The following CHD8 variants were observed in gnomAD, a reference collection of about 807,000 sequenced individuals.
The protein encoded by CHD8 is ATP-dependent chromatin remodeler CHD8.
A neutral mutation model predicts 279.2 loss-of-function variants in CHD8; 31 were observed. The ratio of observed to expected loss-of-function variants is 0.11; its 90% CI spans 0.08 to 0.15. CHD8 has a LOEUF of 0.15. Ranked by LOEUF, CHD8 falls within the 10% of genes least tolerant of loss-of-function variation. CHD8 has a pLI of 1.00. For synonymous variants in CHD8, 1,081 were observed against 1,139.6 expected (o/e 0.95, Z 1.04); for missense variants, 2,146 against 3,230.5 (o/e 0.66, Z 8.14).
intron 5 of CHD8, among the ~76,000 whole-genome samples, chr14:21,422,298 G>A (rs2139517251): frequency 6.6e-6 from 1 of 152,152 alleles, no homozygotes; most frequent in Non-Finnish European, 1.5e-5. Context: ...CCGAGATTGT[G>A]CTACTGCACT....
rs372744417 is a variant in CHD8 at position 21,445,908 on chromosome 14, G to A, written c.-216+10124C>T. On this transcript the variant is annotated intron_variant, in intron 1 of 37. Coordinates refer to ENST00000646647, the MANE Select transcript of CHD8 (RefSeq NM_001170629.2). ...CCAGCTACTCGGGAGGCTGAGGCAGGAGAATCAGTTGAACCCAGGAGGTGA... is the reference window on the plus strand; with the variant it reads ...CCAGCTACTCGGGAGGCTGAGGCAGAAGAATCAGTTGAACCCAGGAGGTGA... Among the ~76,000 whole-genome samples, 4 of 151,534 alleles carry A rather than the reference G, an allele frequency of 2.6e-5. No individual in the cohort carries two copies. The East Asian group carries it at 5.8e-4, about 22-fold the overall frequency.
At position 21,400,826 on chromosome 14, in the gene CHD8, G is replaced by T; in HGVS notation, c.4370+49C>A. 6.7e-7 allele frequency: 1 copy of T among 1,501,300 alleles called. No individual in the cohort carries two copies. The allele number at this position is 1,501,300 out of a possible 1,614,324, so 93.0% of individuals were successfully genotyped here. A position where few individuals can be genotyped will look rare whatever the true frequency, so the allele number is the denominator to read the frequency against. On this transcript the variant is annotated intron_variant, in intron 22 of 37. Coordinates refer to ENST00000646647, the MANE Select transcript of CHD8 (RefSeq NM_001170629.2). This position sits in a 1 kb window ranked among gnomAD's most constrained non-coding sequence, Gnocchi z 4.2. ...AAAGGCAAACCAAGAGTATCTATCA[G>T]GATGGAGATGCACTATGCACTACCT...
At chr14:21,441,395 C>A (rs1318496872) in intron 1 of CHD8, among the ~76,000 whole-genome samples, 2 of 152,100 alleles carry the variant, frequency 1.3e-5, no homozygotes, top group Non-Finnish European at 2.9e-5. Context: ...AACCAAGAAT[C>A]CTAACACAAT....
intron 1 of CHD8, among the ~76,000 whole-genome samples, chr14:21,444,287 T>C (rs1243160922): frequency 6.6e-6 from 1 of 152,244 alleles, no homozygotes; most frequent in Non-Finnish European, 1.5e-5. Flanking sequence ...TTGTTTTTGC[T>C]AATATCTATA....
In CHD8 at chr14:21,393,950, T is replaced by C. The variant is rs1887658744; in HGVS notation, c.5845A>G (p.Ile1949Val). 6.2e-7 allele frequency: 1 copy of C among 1,613,950 alleles called. No individual in the cohort carries two copies. Among genetic ancestry groups the C allele is most frequent in the South Asian group, 1.1e-5 (1 of 91,080 alleles). Residue 1949 changes from isoleucine to valine, a missense_variant, in exon 32 of 38, where the codon ATC (isoleucine) becomes GTC (valine). Ile to Val is a conservative substitution (Grantham distance 29). This residue lies in a region of CHD8 where 513 missense variants were observed against 637.6 expected (regional missense o/e 0.80). Coordinates refer to ENST00000646647, the MANE Select transcript of CHD8 (RefSeq NM_001170629.2). Reference sequence around the variant, plus strand: ...AAAGAGAAGTCTGGGTCCTGCATGATGTTGCAGTCTGTTTGGCTCACCCCA... The same window carrying C: ...AAAGAGAAGTCTGGGTCCTGCATGACGTTGCAGTCTGTTTGGCTCACCCCA... ...RHGVSQTDCN[I>V]MQDPDFSFLA... is the part of the protein sequence containing the mutation.
In CHD8 at chr14:21,431,355, T is replaced by A. The variant is rs1594379991; in HGVS notation, c.289A>T (p.Thr97Ser). 6.5e-7 allele frequency: 1 copy of A among 1,537,640 alleles called. No individual in the cohort carries two copies. Residue 97 changes from threonine to serine, a missense_variant, in exon 2 of 38, where the codon ACT becomes TCT. Thr to Ser is a moderately conservative substitution (Grantham distance 58). Coordinates refer to ENST00000646647, the MANE Select transcript of CHD8 (RefSeq NM_001170629.2). ...PESITLHDYTTQPASQEQPAQ... is the reference protein window; with the variant it reads ...PESITLHDYTSQPASQEQPAQ... Reference sequence around the variant, plus strand: ...GGCTGCTCCTGGCTGGCAGGCTGAGTGGTATAATCATGCAAGGTTATGGAT... The same window carrying A: ...GGCTGCTCCTGGCTGGCAGGCTGAGAGGTATAATCATGCAAGGTTATGGAT...
chr14:21,409,614 G>C (rs1404617400), intron 11 of CHD8, among the ~76,000 whole-genome samples: 2 of 152,040 alleles, frequency 1.3e-5, no homozygotes, highest in East Asian at 3.8e-4. Flanking sequence ...AATGAATCTG[G>C]GATTTGATTT....
At chr14:21,449,079 C>A (rs930053827) in intron 1 of CHD8, among the ~76,000 whole-genome samples, 5 of 152,008 alleles carry the variant, frequency 3.3e-5, no homozygotes, top group Non-Finnish European at 7.4e-5. Context: ...GAGGCTGAGG[C>A]AGGAGAATGG....
chr14:21,399,881 A>G, intron 25 of CHD8, 100 bp downstream of exon 25: 1 of 1,113,368 alleles, frequency 9.0e-7, no homozygotes, highest in Non-Finnish European at 1.4e-6. Flanking sequence ...ATAGATTTAA[A>G]TTATCAGGTA....
At chr14:21,389,868 C>A (rs1887448060) in intron 37 of CHD8, among the ~76,000 whole-genome samples, 1 of 152,118 alleles carries the variant, frequency 6.6e-6, no homozygotes, top group African/African-American at 2.4e-5. Flanking sequence ...GATTCTCAAC[C>A]TTTATATATT....
At chr14:21,395,651 T>C (rs1001284470) in intron 28 of CHD8, 166 bp downstream of exon 28, 22 of 612,572 alleles carry the variant, frequency 3.6e-5, no homozygotes, top group Non-Finnish European at 5.5e-5. Context: ...CTCCCCCTAC[T>C]GGCATTACAG....
At chr14:21,441,694 C>T (rs1426634601) in intron 1 of CHD8, among the ~76,000 whole-genome samples, 4 of 152,116 alleles carry the variant, frequency 2.6e-5, no homozygotes, top group Admixed American at 2.6e-4. Flanking sequence ...GGAGACCATC[C>T]TGGCTAACAC....
chr14:21,437,373 G>A (rs911068462), intron 1 of CHD8: 34 of 596,562 alleles, frequency 5.7e-5, no homozygotes, highest in Non-Finnish European at 7.1e-5. Context: ...GGACTATAAG[G>A]AGCTCCCTTC....
Position 21,405,066 on chromosome 14 carries a change from G to A in CHD8, c.3307+143C>T. The stretch of plus-strand genomic sequence containing the variant: ...AGGCTTAGAGTCTCTTTTTTAAAAG[G>A]AGAACCATTTCCCTCCCATTCCTCA... On this transcript the variant is annotated intron_variant, in intron 16 of 37. Transcript: ENST00000646647. The surrounding 1 kb of genome is among the most constrained non-coding windows in gnomAD (Gnocchi z 4.2). 2 of 725,254 alleles carry A rather than the reference G, an allele frequency of 2.8e-6. No homozygotes were observed. The highest frequency in any genetic ancestry group is 3.9e-4 in the Middle Eastern group (1 of 2,538). The allele number at this position is 725,254 out of a possible 1,614,324, so 44.9% of individuals were successfully genotyped here.
chr14:21,441,678 G>C (rs2139562479), intron 1 of CHD8, among the ~76,000 whole-genome samples: 1 of 152,108 alleles, frequency 6.6e-6, no homozygotes, highest in Admixed American at 6.5e-5. Context: ...CACGAGGTCA[G>C]GAGATGGAGA....
Position 21,405,013 on chromosome 14 carries a change from G to T in CHD8, c.3307+196C>A. 1.7e-6 allele frequency: 1 copy of T among 578,286 alleles called. No individual in the cohort carries two copies. The highest frequency in any genetic ancestry group is 3.0e-6 in the Non-Finnish European group (1 of 332,016). The allele number at this position is 578,286 out of a possible 1,614,324, so 35.8% of individuals were successfully genotyped here. Reference sequence around the variant, plus strand: ...CACCTGGCTAATTTTTGTATTTTTTGTAGAGGTGGGATTTCATCATGTTGC... The same window carrying T: ...CACCTGGCTAATTTTTGTATTTTTTTTAGAGGTGGGATTTCATCATGTTGC... On this transcript the variant is annotated intron_variant, in intron 16 of 37. Coordinates refer to ENST00000646647, the MANE Select transcript of CHD8 (RefSeq NM_001170629.2). The surrounding 1 kb of genome is among the most constrained non-coding windows in gnomAD (Gnocchi z 4.2).
chr14:21,451,821 C>T (rs749948951), intron 1 of CHD8, among the ~76,000 whole-genome samples: 2 of 151,840 alleles, frequency 1.3e-5, no homozygotes, highest in Non-Finnish European at 2.9e-5. Context: ...AATAAAAGGG[C>T]AAAAGAAATG....
At position 21,395,315 on chromosome 14, in the gene CHD8, A is replaced by C; in HGVS notation, c.5165T>G (p.Val1722Gly). The stretch of plus-strand genomic sequence containing the variant: ...AAGTTTACCTTCATCTCCATCAATC[A>C]CTGAGATCTCCTCATCCATCATCAT... ...PLMMMDEEIS[V>G]IDGDEAQVTQ... is the part of the protein sequence containing the mutation. The change falls in exon 29 of 38, where the codon GTG becomes GGG. Residue 1722 changes from valine (V) to glycine (G), a missense_variant. This residue lies in a region of CHD8 where 75 missense variants were observed against 81.3 expected (regional missense o/e 0.92). Coordinates refer to ENST00000646647, the MANE Select transcript of CHD8 (RefSeq NM_001170629.2). 1 of 1,608,814 alleles carries C rather than the reference A, an allele frequency of 6.2e-7. No individual in the cohort carries two copies. Among genetic ancestry groups the C allele is most frequent in the Non-Finnish European group, 8.5e-7 (1 of 1,176,780 alleles).
chr14:21,386,710 G>A (rs1286447437), intron 37 of CHD8, among the ~76,000 whole-genome samples: 3 of 152,008 alleles, frequency 2.0e-5, no homozygotes, highest in Admixed American at 6.6e-5. Flanking sequence ...GGTGGCGGGC[G>A]CCTGTAGTCC....
Sources: allele counts gnomAD v4.1 joint callset (sites outside exome capture counted in the v4.1 genomes callset), GRCh38; gene constraint gnomAD v4.1.1; regional missense constraint gnomAD v4.1.1; non-coding constraint Gnocchi (gnomAD v3.1); transcripts MANE v1.5; gene names NCBI Gene and HGNC (gene_info 2026-07-23, HGNC 2026-07-21).